The following ADGRV1 variants were observed in gnomAD, a reference collection of about 807,000 sequenced individuals.
ADGRV1 encodes the protein G-protein coupled receptor 98.
Under a neutral mutation model 596.2 loss-of-function variants are expected in ADGRV1, and 359 were observed. The observed-to-expected ratio is 0.60, with a 90% CI of 0.55 to 0.66. ADGRV1 has a LOEUF of 0.66. Ranked by LOEUF, ADGRV1 falls within the 30% of genes least tolerant of loss-of-function variation. The pLI is 0.00. For synonymous variants in ADGRV1, 2,681 were observed against 2,679.2 expected, an observed-to-expected ratio of 1.00 and a Z score of -0.02; for missense variants, 7,274 against 7,575.6, an observed-to-expected ratio of 0.96 and a Z score of 1.48.
chr5:90,613,045 A>G (rs1361350757), intron 1 of ADGRV1, among the ~76,000 whole-genome samples: 1 of 152,106 alleles, frequency 6.6e-6, no homozygotes, highest in African/African-American at 2.4e-5. Context: ...CTAATGCAGG[A>G]CAGATTTTGA....
chr5:90,717,508 T>C (rs1346074703), intron 43 of ADGRV1: 1 of 148,770 alleles, frequency 6.7e-6, no homozygotes, highest in East Asian at 2.0e-4. Flanking sequence ...AATCTAGGTT[T>C]ACTGCAAACT....
intron 4 of ADGRV1, among the ~76,000 whole-genome samples, chr5:90,621,245 A>G (rs1358001842): frequency 1.3e-5 from 2 of 152,110 alleles, no homozygotes; most frequent in Non-Finnish European, 2.9e-5. Flanking sequence ...CTTTTCATTT[A>G]TTTTTAGATT....
At chr5:90,644,126 A>G (rs1353904537) in intron 14 of ADGRV1, 143 bp downstream of exon 14, 7 of 589,576 alleles carry the variant, frequency 1.2e-5, no homozygotes, top group African/African-American at 1.9e-5. Flanking sequence ...TTTTTTTAGA[A>G]TCATATTTAG....
At chr5:90,689,230 C>T (rs763552568) in intron 29 of ADGRV1, among the ~76,000 whole-genome samples, 32 of 151,988 alleles carry the variant, frequency 2.1e-4, no homozygotes, top group Non-Finnish European at 1.0e-4. Flanking sequence ...ACCTGGCTGC[C>T]TGTAGAGGGC....
At position 90,872,929 on chromosome 5, in the gene ADGRV1, C is replaced by T. The variant is rs527800158; in HGVS notation, c.17856+9072C>T. Among the ~76,000 whole-genome samples the T allele has an allele frequency of 2.0e-5, 3 of 152,316 alleles. No individual in the cohort carries two copies. In the South Asian group the frequency reaches 6.2e-4, roughly 32 times the overall value. On this transcript the variant is annotated intron_variant, in intron 83 of 89. Coordinates refer to ENST00000405460, the MANE Select transcript of ADGRV1 (RefSeq NM_032119.4). ...GACTTCTCTTTAGTTTCCTTTGTAA[C>T]TCTGTGAAATCTTGCTTCCTTCTGT...
intron 85 of ADGRV1, among the ~76,000 whole-genome samples, chr5:91,033,951 CAG>C (rs1299560496): frequency 1.3e-5 from 2 of 152,128 alleles, no homozygotes; most frequent in Admixed American, 1.3e-4. Context: ...CTGCATTATT[CAG>C]AGACATTGTT....
At chr5:90,705,135 T>G (rs1168279760) in intron 36 of ADGRV1, among the ~76,000 whole-genome samples, 3 of 152,164 alleles carry the variant, frequency 2.0e-5, no homozygotes, top group African/African-American at 7.2e-5. Context: ...AAGCAAATTA[T>G]CTGGGTACTT....
intron 83 of ADGRV1, among the ~76,000 whole-genome samples, chr5:90,878,949 G>A (rs867358919): frequency 6.6e-5 from 10 of 152,338 alleles, no homozygotes; most frequent in Non-Finnish European, 7.4e-5. Context: ...CAAGAGAAAC[G>A]ATTGCCCAGC....
intron 85 of ADGRV1, among the ~76,000 whole-genome samples, chr5:91,028,407 C>T (rs904020484): frequency 1.3e-5 from 2 of 152,122 alleles, no homozygotes; most frequent in Non-Finnish European, 2.9e-5. Context: ...CTTATTTACT[C>T]CTGGCTATAT....
At chr5:91,008,693 G>A (rs961384874) in intron 85 of ADGRV1, among the ~76,000 whole-genome samples, 12 of 151,778 alleles carry the variant, frequency 7.9e-5, no homozygotes, top group African/African-American at 1.2e-4. Context: ...TAGTAGAGAG[G>A]GGGTCTAACC....
intron 1 of ADGRV1, among the ~76,000 whole-genome samples, chr5:90,594,987 A>G: frequency 1.4e-5 from 2 of 144,036 alleles, no homozygotes; most frequent in African/African-American, 2.7e-5. Flanking sequence ...CCCGTTCTCA[A>G]TGAGCTGTTG....
At chr5:90,925,579 A>G (rs997975744) in intron 83 of ADGRV1, among the ~76,000 whole-genome samples, 11 of 152,132 alleles carry the variant, frequency 7.2e-5, no homozygotes, top group Middle Eastern at 3.4e-3. Flanking sequence ...GTCTGCAAAC[A>G]GGGACAATTT....
chr5:90,941,149 A>C (rs80029314), intron 83 of ADGRV1, among the ~76,000 whole-genome samples: 1 of 149,592 alleles, frequency 6.7e-6, no homozygotes, highest in Admixed American at 6.6e-5. Flanking sequence ...AAAAAAAAAA[A>C]GTCTAAGCAG....
At chr5:90,617,977 A>C in intron 3 of ADGRV1, 24 bp downstream of exon 3, 1 of 1,511,188 alleles carries the variant, frequency 6.6e-7, no homozygotes, top group Non-Finnish European at 8.9e-7. Context: ...TCCTCCTTAT[A>C]AAAATTATAA....
chr5:91,138,096 C>T (rs1025776356), intron 87 of ADGRV1, among the ~76,000 whole-genome samples: 2 of 152,008 alleles, frequency 1.3e-5, no homozygotes, highest in East Asian at 3.9e-4. Flanking sequence ...CCCAAGAATC[C>T]CACTCAAACC....
intron 50 of ADGRV1, among the ~76,000 whole-genome samples, chr5:90,735,399 G>C (rs13164144): frequency 6.6e-6 from 1 of 152,182 alleles, no homozygotes; most frequent in Non-Finnish European, 1.5e-5. Flanking sequence ...CCAGTACCAA[G>C]ATGTTTTGAT....
At chr5:90,851,651 A>T (rs552658676) in intron 79 of ADGRV1, among the ~76,000 whole-genome samples, 1 of 152,208 alleles carries the variant, frequency 6.6e-6, no homozygotes, top group South Asian at 2.1e-4. Flanking sequence ...CTACATGTCA[A>T]TGTGGGAGTT....
At chr5:90,760,060 G>A (rs1156307776) in intron 58 of ADGRV1, 1 of 154,908 alleles carries the variant, frequency 6.5e-6, no homozygotes, top group African/African-American at 2.4e-5. Context: ...GGATCACGAG[G>A]TCATGAGTTT....
At chr5:90,659,848 T>C (rs1242911689) in intron 21 of ADGRV1, among the ~76,000 whole-genome samples, 3 of 151,920 alleles carry the variant, frequency 2.0e-5, no homozygotes, top group South Asian at 4.1e-4. Context: ...CTGGCTAACA[T>C]GGTGAAACCC....
Sources: allele counts gnomAD v4.1 joint callset (sites outside exome capture counted in the v4.1 genomes callset), GRCh38; gene constraint gnomAD v4.1.1; transcripts MANE v1.5; gene names NCBI Gene and HGNC (gene_info 2026-07-23, HGNC 2026-07-21).